The following ZFHX2 variants were observed in gnomAD, a reference collection of about 807,000 sequenced individuals.
ZFHX2 encodes the protein zinc finger homeobox 2, also known as zinc finger homeobox protein 2.
ZFHX2 carries 75 observed loss-of-function variants against 164.8 expected under a neutral mutation model. The observed-to-expected ratio is 0.46, with a 90% CI of 0.38 to 0.55. ZFHX2 has a LOEUF of 0.55. ZFHX2 is among the 20% of genes least tolerant of loss of function. The probability of loss-of-function intolerance (pLI) is 0.00; values close to 1 mark genes in which losing one functional copy is unlikely to be tolerated. For synonymous variants in ZFHX2, 1,217 were observed against 1,351.4 expected, an observed-to-expected ratio of 0.90 and a Z score of 2.18; for missense variants, 2,933 against 3,308.0, an observed-to-expected ratio of 0.89 and a Z score of 2.78.
At chr14:23,555,023 T>C (rs1489342562), upstream of ZFHX2, among the ~76,000 whole-genome samples, 1 of 152,222 alleles carries the variant, frequency 6.6e-6, no homozygotes, top group Non-Finnish European at 1.5e-5. Flanking sequence ...AGTCTCGTTC[T>C]GTCGCCCAGG....
At position 23,533,937 on chromosome 14, in the gene ZFHX2, C is replaced by A; in HGVS notation, c.1389G>T (p.Lys463Asn). ...TGTGCACATCCAGGGTCTGCTGGTA[C>A]TTGTAGTGCCAGTTGCACTTGGGAC... is the stretch of plus-strand genomic sequence containing the variant. ...LKCPKCNWHYKYQQTLDVHMR... is the reference protein window; with the variant it reads ...LKCPKCNWHYNYQQTLDVHMR... Residue 463 changes from lysine (K) to asparagine (N), a missense_variant, in exon 2 of 10, where the codon AAG (lysine) becomes AAT (asparagine). Transcript: ENST00000419474. This position sits in a 1 kb window ranked among gnomAD's most constrained non-coding sequence, Gnocchi z 4.8. 7 of 1,538,080 alleles carry A rather than the reference C, an allele frequency of 4.6e-6. No individual in the cohort carries two copies. Among genetic ancestry groups the A allele is most frequent in the Non-Finnish European group, 6.1e-6 (7 of 1,147,112 alleles).
intron 1 of ZFHX2, among the ~76,000 whole-genome samples, chr14:23,549,173 C>A (rs565985279): frequency 1.3e-5 from 2 of 152,242 alleles, no homozygotes; most frequent in African/African-American, 2.4e-5. Flanking sequence ...GCTATCAACA[C>A]GTTTTGTTTC....
rs1355575331 is a variant in ZFHX2, at chr14:23,525,758, G to C, written c.4184C>G (p.Pro1395Arg). The change falls in exon 9 of 10, where the codon CCT becomes CGT. Residue 1395 changes from proline to arginine, a missense_variant. Pro to Arg is a moderately radical substitution (Grantham distance 103, BLOSUM62 -2). Coordinates refer to ENST00000419474, the MANE Select transcript of ZFHX2 (RefSeq NM_033400.3). The surrounding 1 kb of genome is among the most constrained non-coding windows in gnomAD (Gnocchi z 5.9). ...AGCCTTGGGAGGTTGGGGTGGAGGAGGAGGGGTGGCAGCTGGCAGGGACAG... is the reference window on the plus strand; with the variant it reads ...AGCCTTGGGAGGTTGGGGTGGAGGACGAGGGGTGGCAGCTGGCAGGGACAG... The part of the protein sequence containing the change: ...PVLSLPAATP[P>R]PPPQPPKAEL... 6.6e-7 allele frequency: 1 copy of C among 1,507,070 alleles called. No homozygotes were observed. Among genetic ancestry groups the C allele is most frequent in the Admixed American group, 2.1e-5 (1 of 48,560 alleles). The allele number at this position is 1,507,070 out of a possible 1,614,324, so 93.4% of individuals were successfully genotyped here.
chr14:23,530,265 A>T lies in ZFHX2; in HGVS notation c.2801-71T>A. ...GGGAAGGGAGGACATAGGACAGAGGAAGCAGGACAAGCAGCCAGTCAATGA... is the reference window on the plus strand; with the variant it reads ...GGGAAGGGAGGACATAGGACAGAGGTAGCAGGACAAGCAGCCAGTCAATGA... On this transcript the variant is annotated intron_variant, in intron 4 of 9. Coordinates refer to ENST00000419474, the MANE Select transcript of ZFHX2 (RefSeq NM_033400.3). 2.6e-6 allele frequency: 3 copies of T among 1,136,588 alleles called. No individual in the cohort carries two copies. In the South Asian group the frequency reaches 4.0e-5, roughly 15 times the overall value. 70.4% of individuals were successfully genotyped at this position (1,136,588 alleles called of 1,614,324 possible). A position where few individuals can be genotyped will look rare whatever the true frequency, so the allele number is the denominator to read the frequency against.
Position 23,535,489 on chromosome 14 carries a change from C to T in ZFHX2, c.-49-115G>A, listed in dbSNP as rs140393195. The T allele has an allele frequency of 3.5e-4, 282 of 800,724 alleles. No homozygotes were observed. The African/African-American group carries it at 4.6e-3, about 13-fold the overall frequency. 49.6% of individuals were successfully genotyped at this position (800,724 alleles called of 1,614,324 possible). On this transcript the variant is annotated intron_variant, in intron 1 of 9. Transcript: ENST00000419474. The surrounding 1 kb of genome is among the most constrained non-coding windows in gnomAD (Gnocchi z 4.5). ...TTCCCTGAACACCAGACTCAGACAC[C>T]ACTTTGCTAACCTGAAATTTCACTT...
chr14:23,528,773 T>C (rs1879122104), intron 6 of ZFHX2: 1 of 985,382 alleles, frequency 1.0e-6, no homozygotes, highest in South Asian at 4.7e-5. Flanking sequence ...GGCCCAGCCC[T>C]CTCAGCACAT....
chr14:23,524,238 G>C lies in ZFHX2; in HGVS notation c.5704C>G (p.Gln1902Glu). The C allele has an allele frequency of 6.5e-7, 1 of 1,536,508 alleles. No homozygotes were observed. Among genetic ancestry groups the C allele is most frequent in the South Asian group, 1.2e-5 (1 of 84,066 alleles). The change falls in exon 9 of 10, where the codon CAG becomes GAG. Residue 1902 changes from glutamine (Q) to glutamate (E), a missense_variant. Physicochemically the swap from Gln to Glu is conservative, Grantham distance 29. Coordinates refer to ENST00000419474, the MANE Select transcript of ZFHX2 (RefSeq NM_033400.3). This position sits in a 1 kb window ranked among gnomAD's most constrained non-coding sequence, Gnocchi z 5.6. ...GCCCTGGTATTCTGGAACCAGACCTGTACCACTCGCTTTTTGAGCCCCACC... is the reference window on the plus strand; with the variant it reads ...GCCCTGGTATTCTGGAACCAGACCTCTACCACTCGCTTTTTGAGCCCCACC... ...EEVGLKKRVV[Q>E]VWFQNTRARE...
chr14:23,535,543 T>C lies in ZFHX2; in HGVS notation c.-49-169A>G, dbSNP rs750545622. ...GTCTAACATGCTTCAAAACTTAATA[T>C]GTCCAACATCAGAACTCTTCATTTT... On this transcript the variant is annotated intron_variant, in intron 1 of 9. Coordinates refer to ENST00000419474, the MANE Select transcript of ZFHX2 (RefSeq NM_033400.3). The surrounding 1 kb of genome is among the most constrained non-coding windows in gnomAD (Gnocchi z 4.5). 1.6e-4 allele frequency among the ~76,000 whole-genome samples: 24 copies of C among 152,206 alleles called. No individual in the cohort carries two copies. Among genetic ancestry groups the C allele is most frequent in the Non-Finnish European group, 3.1e-4 (21 of 68,038 alleles).
At position 23,525,233 on chromosome 14, in the gene ZFHX2, C is replaced by T. The variant is rs1004295168; in HGVS notation, c.4709G>A (p.Arg1570Gln). Residue 1570 changes from arginine (R) to glutamine (Q), a missense_variant, in exon 9 of 10, where the codon CGA (arginine) becomes CAA (glutamine). Coordinates refer to ENST00000419474, the MANE Select transcript of ZFHX2 (RefSeq NM_033400.3). This position sits in a 1 kb window ranked among gnomAD's most constrained non-coding sequence, Gnocchi z 5.9. ...TTCTATGGGCCAGTGTCCCCCTGCT[C>T]GACTTCGCTCTTCAGGGGCACGGGT... ...GGTRAPEERS[R>Q]AGGHWPIEEE... 18 of 1,536,110 alleles carry T rather than the reference C, an allele frequency of 1.2e-5. No individual in the cohort carries two copies. Among genetic ancestry groups the T allele is most frequent in the Non-Finnish European group, 1.3e-5 (15 of 1,146,904 alleles).
chr14:23,528,517 G>A (rs780702548), intron 6 of ZFHX2: 8 of 817,450 alleles, frequency 9.8e-6, no homozygotes, highest in African/African-American at 1.9e-5. Flanking sequence ...CTATCCTGTC[G>A]TGTCTTCTCT....
chr14:23,551,937 C>G (rs1277121304), upstream of ZFHX2, among the ~76,000 whole-genome samples: 1 of 152,218 alleles, frequency 6.6e-6, no homozygotes, highest in Non-Finnish European at 1.5e-5. This position sits in a 1 kb window ranked among gnomAD's most constrained non-coding sequence, Gnocchi z 5.3. Flanking sequence ...CAAGCCGGTG[C>G]CTGCAAAGAG....
intron 6 of ZFHX2, chr14:23,528,742 C>A: frequency 2.0e-6 from 2 of 985,450 alleles, no homozygotes; most frequent in Non-Finnish European, 2.4e-6. Flanking sequence ...CACAGCTCCC[C>A]CAGTGGCCCA....
intron 1 of ZFHX2, chr14:23,543,142 A>G (rs1371891790): frequency 6.6e-6 from 1 of 152,262 alleles, no homozygotes; most frequent in Non-Finnish European, 1.5e-5. Context: ...ACTAATTGTA[A>G]TAATAGTAAA....
At chr14:23,527,078 C>G in intron 7 of ZFHX2, 105 bp from the exon 8 acceptor site, 1 of 1,390,478 alleles carries the variant, frequency 7.2e-7, no homozygotes, top group East Asian at 2.6e-5. Context: ...GATCCCTTGC[C>G]ACAGATCCAG....
In ZFHX2 at chr14:23,535,046, T is replaced by G; in HGVS notation, c.280A>C (p.Lys94Gln). Reference sequence around the variant, plus strand: ...TCTTCCTCCTCCTGCTCCTTGTCCTTTTCCACCCCTGGGTCATTTGGTGGG... The same window carrying G: ...TCTTCCTCCTCCTGCTCCTTGTCCTGTTCCACCCCTGGGTCATTTGGTGGG... ...HFPPNDPGVE[K>Q]DKEQEEEEEG... The change falls in exon 2 of 10, where the codon AAG becomes CAG. Residue 94 changes from lysine to glutamine, a missense_variant. Physicochemically the swap from Lys to Gln is moderately conservative, Grantham distance 53. Transcript: ENST00000419474. The surrounding 1 kb of genome is among the most constrained non-coding windows in gnomAD (Gnocchi z 4.5). The G allele has an allele frequency of 6.5e-7, 1 of 1,536,208 alleles. No homozygotes were observed. The highest frequency in any genetic ancestry group is 8.7e-7 in the Non-Finnish European group (1 of 1,146,896).
At position 23,522,262 on chromosome 14, in the gene ZFHX2, G is replaced by C. The variant is rs530344540; in HGVS notation, c.7419C>G (p.Phe2473Leu). 58 of 1,486,916 alleles carry C rather than the reference G, an allele frequency of 3.9e-5. No individual in the cohort carries two copies. The South Asian group carries it at 6.7e-4, about 17-fold the overall frequency. 92.1% of individuals were successfully genotyped at this position (1,486,916 alleles called of 1,614,324 possible). The part of the protein sequence containing the change: ...EAPATAHQRS[F>L]CFFGRGSGGS... ...CCCCAGAGCCCCGCCCAAAGAAGCA[G>C]AAGGATCTCTGGTGGGCAGTAGCCG... Residue 2473 changes from phenylalanine to leucine, a missense_variant, in exon 10 of 10, where the codon TTC becomes TTG. Phe to Leu is a conservative substitution (Grantham distance 22). Transcript: ENST00000419474.
intron 1 of ZFHX2, among the ~76,000 whole-genome samples, chr14:23,547,280 T>C (rs1271643150): frequency 6.6e-6 from 1 of 152,276 alleles, no homozygotes; most frequent in Non-Finnish European, 1.5e-5. Flanking sequence ...GTTGTATTAA[T>C]AATTACCTGG....
chr14:23,525,358 C>T lies in ZFHX2; in HGVS notation c.4584G>A (p.Pro1528=), dbSNP rs116043865. Residue 1528 remains proline (P), a synonymous_variant, in exon 9 of 10, where the codon CCG becomes CCA. Coordinates refer to ENST00000419474, the MANE Select transcript of ZFHX2 (RefSeq NM_033400.3). This position sits in a 1 kb window ranked among gnomAD's most constrained non-coding sequence, Gnocchi z 5.9. Reference sequence around the variant, plus strand: ...GAGGTTTGGGAGGCTCTGCAAGGGGCGGGTATAGGCTGTCATAGCTCTTTC... The same window carrying T: ...GAGGTTTGGGAGGCTCTGCAAGGGGTGGGTATAGGCTGTCATAGCTCTTTC... The part of the protein sequence containing the change: ...QFRKSYDSLY[P]PLAEPPKPPD... 1,664 of 1,536,036 alleles carry T rather than the reference C, an allele frequency of 1.1e-3. 16 individuals carry two copies. In the African/African-American group the frequency reaches 0.02, roughly 19 times the overall value.
intron 1 of ZFHX2, chr14:23,537,920 G>A (rs1013241287): frequency 6.6e-6 from 1 of 152,358 alleles, no homozygotes; most frequent in African/African-American, 2.4e-5. Context: ...CTGCCGCCAA[G>A]GGCTGTACAC....
Sources: allele counts gnomAD v4.1 joint callset (sites outside exome capture counted in the v4.1 genomes callset), GRCh38; gene constraint gnomAD v4.1.1; non-coding constraint Gnocchi (gnomAD v3.1); transcripts MANE v1.5; gene names NCBI Gene and HGNC (gene_info 2026-07-23, HGNC 2026-07-21).